Variants in RSKR observed in about 807,000 individuals in gnomAD.
The protein encoded by RSKR is ribosomal protein S6 kinase-related protein.
A neutral mutation model predicts 56.8 loss-of-function variants in RSKR; 44 were observed. The ratio of observed to expected loss-of-function variants is 0.77; its 90% CI spans 0.61 to 1.00. RSKR has a LOEUF of 1.00. RSKR is among the 50% of genes least tolerant of loss of function. RSKR has a pLI of 0.00. For missense variants in RSKR, 510 were observed against 506.9 expected (o/e 1.01, Z -0.06); for synonymous variants, 181 against 188.0 (o/e 0.96, Z 0.30).
intron 7 of RSKR, 66 bp downstream of exon 7, chr17:28,611,978 T>C (rs1248368622): frequency 3.7e-6 from 6 of 1,614,120 alleles, no homozygotes; most frequent in Non-Finnish European, 5.1e-6. Context: ...CCTAACTTCT[T>C]GGACTTGTTG....
At position 28,612,256 on chromosome 17, in the gene RSKR, A is replaced by G; in HGVS notation, c.652+6T>C. ...TCCCCATTTCCTTTACCACTGTTTCACTTACACAGTACCAGCACCAACTCG... is the reference window on the plus strand; with the variant it reads ...TCCCCATTTCCTTTACCACTGTTTCGCTTACACAGTACCAGCACCAACTCG... On this transcript the variant is annotated splice_donor_region_variant and intron_variant, in intron 6 of 11. Coordinates refer to ENST00000301037, the MANE Select transcript of RSKR (RefSeq NM_001174103.2). 1 of 1,613,782 alleles carries G rather than the reference A, an allele frequency of 6.2e-7. No homozygotes were observed. The highest frequency in any genetic ancestry group is 8.5e-7 in the Non-Finnish European group (1 of 1,179,858).
chr17:28,609,559 T>C lies in RSKR; in HGVS notation c.*919A>G, dbSNP rs1422548139. 1 of 151,964 alleles carries C rather than the reference T, an allele frequency of 6.6e-6. No individual in the cohort carries two copies. The highest frequency in any genetic ancestry group is 1.5e-5 in the Non-Finnish European group (1 of 67,996). The allele number at this position is 151,964 out of a possible 1,614,324, so 9.4% of individuals were successfully genotyped here. ...TTTAAAAATTAGATTTATTGCAGAC[T>C]GGCCTCAAGCTCCCAGACTATATTT... On this transcript the variant is annotated 3_prime_UTR_variant, in exon 12 of 12. Coordinates refer to ENST00000301037, the MANE Select transcript of RSKR (RefSeq NM_001174103.2).
rs766427459 is a variant in RSKR, at chr17:28,612,326, C to T, written c.588G>A (p.Ser196=). 9.3e-6 allele frequency: 15 copies of T among 1,614,026 alleles called. No individual in the cohort carries two copies. Among genetic ancestry groups the T allele is most frequent in the South Asian group, 4.4e-5 (4 of 91,074 alleles). Residue 196 remains serine, a synonymous_variant, in exon 6 of 12, where the codon TCG becomes TCA. Transcript: ENST00000301037. ...YCSTDLYSLW[S]AVGCFPEASI... is the part of the protein sequence containing the mutation. ...AAGCCTCAGGAAAGCAGCCAACAGC[C>T]GACCAAAGGGAGTACAGATCTGTGC...
chr17:28,611,386 C>T lies in RSKR; in HGVS notation c.900+7G>A, dbSNP rs1419608225. ...TTCTCTGCCCAAAACTACTACTATT[C>T]TCTCACCTTTCCAGTCGCCAGAGAG... On this transcript the variant is annotated splice_region_variant and intron_variant, in intron 10 of 11. Coordinates refer to ENST00000301037, the MANE Select transcript of RSKR (RefSeq NM_001174103.2). 3 of 1,570,160 alleles carry T rather than the reference C, an allele frequency of 1.9e-6. No homozygotes were observed. Among genetic ancestry groups the T allele is most frequent in the Non-Finnish European group, 2.6e-6 (3 of 1,164,118 alleles).
At position 28,612,294 on chromosome 17, in the gene RSKR, C is replaced by T. The variant is rs200119928; in HGVS notation, c.620G>A (p.Arg207His). The change falls in exon 6 of 12, where the codon CGT (arginine) becomes CAT (histidine). Residue 207 changes from arginine to histidine, a missense_variant. Coordinates refer to ENST00000301037, the MANE Select transcript of RSKR (RefSeq NM_001174103.2). ...CAGCACCAACTCGGCAGCAAAGAGACGGATGGAAGCCTCAGGAAAGCAGCC... is the reference window on the plus strand; with the variant it reads ...CAGCACCAACTCGGCAGCAAAGAGATGGATGGAAGCCTCAGGAAAGCAGCC... Reference protein sequence around the residue: ...AVGCFPEASIRLFAAELVLVL... With the variant: ...AVGCFPEASIHLFAAELVLVL... 5.6e-5 allele frequency: 91 copies of T among 1,614,208 alleles called. No individual in the cohort carries two copies. The Middle Eastern group carries it at 6.6e-4, about 12-fold the overall frequency.
chr17:28,611,280 T>C (rs751481563), intron 10 of RSKR, 27 bp from the exon 11 acceptor site: 1 of 1,532,178 alleles, frequency 6.5e-7, no homozygotes, highest in Non-Finnish European at 8.7e-7. Flanking sequence ...GGAGTGGAGG[T>C]AGGGGTAGGG....
In RSKR at chr17:28,613,438, A is replaced by C; in HGVS notation, c.324+2T>G. ...CCCCACTCAGGGATTCCACTGACTT[A>C]CCTTCAGCTGCTGCTGCCCCCTAAT... On this transcript the variant is annotated splice_donor_variant, in intron 2 of 11. Coordinates refer to ENST00000301037, the MANE Select transcript of RSKR (RefSeq NM_001174103.2). LOFTEE classifies it high-confidence loss of function. 6.2e-7 allele frequency: 1 copy of C among 1,614,204 alleles called. No individual in the cohort carries two copies. Among genetic ancestry groups the C allele is most frequent in the Non-Finnish European group, 8.5e-7 (1 of 1,180,044 alleles).
In RSKR at chr17:28,609,203, T is replaced by G. The variant is rs528779371; in HGVS notation, c.*1275A>C. On this transcript the variant is annotated 3_prime_UTR_variant, in exon 12 of 12. Transcript: ENST00000301037. ...ACAGGTGTGCAACACCACACCCAGC[T>G]AATTTTTGTATTTTTTTAGTAGACA... 10 of 152,142 alleles carry G rather than the reference T, an allele frequency of 6.6e-5. No homozygotes were observed. Among genetic ancestry groups the G allele is most frequent in the African/African-American group, 2.4e-4 (10 of 41,506 alleles). The allele number at this position is 152,142 out of a possible 1,614,324, so 9.4% of individuals were successfully genotyped here. A position where few individuals can be genotyped will look rare whatever the true frequency, so the allele number is the denominator to read the frequency against.
chr17:28,612,746 C>T, intron 4 of RSKR, 59 bp from the exon 5 acceptor site: 1 of 1,558,080 alleles, frequency 6.4e-7, no homozygotes, highest in Non-Finnish European at 8.8e-7. Flanking sequence ...ATAAAGGCAG[C>T]TGAGAAATCA....
At chr17:28,612,978 T>C (rs1016984531) in intron 4 of RSKR, 100 bp downstream of exon 4, 4 of 1,274,936 alleles carry the variant, frequency 3.1e-6, no homozygotes, top group Non-Finnish European at 3.4e-6. Flanking sequence ...CTGAAGCAGA[T>C]GGATGAGGCA....
chr17:28,611,309 A>T (rs1165100837), intron 10 of RSKR, 56 bp from the exon 11 acceptor site: 17 of 1,529,824 alleles, frequency 1.1e-5, no homozygotes, highest in African/African-American at 9.6e-5. Flanking sequence ...CTTAGTAGGA[A>T]TACGGCAAGA....
At position 28,609,165 on chromosome 17, in the gene RSKR, A is replaced by T. The variant is rs924988542; in HGVS notation, c.*1313T>A. The T allele has an allele frequency of 1.4e-5, 2 of 147,008 alleles. No homozygotes were observed. The highest frequency in any genetic ancestry group is 5.1e-5 in the African/African-American group (2 of 39,438). 9.1% of individuals were successfully genotyped at this position (147,008 alleles called of 1,614,324 possible). A position where few individuals can be genotyped will look rare whatever the true frequency, so the allele number is the denominator to read the frequency against. ...GCAGTTCTCCTGCTTCAGCCTTCTG[A>T]GTAGCTGGGACTACAGGTGTGCAAC... On this transcript the variant is annotated 3_prime_UTR_variant, in exon 12 of 12. Transcript: ENST00000301037.
chr17:28,612,930 G>T, intron 4 of RSKR, 148 bp downstream of exon 4: 1 of 890,400 alleles, frequency 1.1e-6, no homozygotes, highest in Non-Finnish European at 1.8e-6. Context: ...GTTGAGAGCT[G>T]ATACTTTTCC....
At chr17:28,610,861 G>C in intron 11 of RSKR, 162 bp from the exon 12 acceptor site, 4 of 749,806 alleles carry the variant, frequency 5.3e-6, no homozygotes, top group Non-Finnish European at 4.2e-6. Flanking sequence ...GGCTAATTTG[G>C]GGCAAAGGTG....
chr17:28,611,166 C>T lies in RSKR; in HGVS notation c.988G>A (p.Gly330Ser), dbSNP rs1038058093. 6.5e-7 allele frequency: 1 copy of T among 1,536,168 alleles called. No homozygotes were observed. The highest frequency in any genetic ancestry group is 2.0e-5 in the Admixed American group (1 of 50,980). The change falls in exon 11 of 12, where the codon GGC becomes AGC. Residue 330 changes from glycine (G) to serine (S), a missense_variant. Transcript: ENST00000301037. ...ACCTCATGGAGCAGGAGTGAGAGGC[C>T]CTGGTTAAGAGAAGCTGGGATCTCA... ...DSEIPASLNQ[G>S]LSLLLHELLC...
intron 11 of RSKR, 87 bp from the exon 12 acceptor site, chr17:28,610,786 G>C (rs1024648334): frequency 9.1e-5 from 117 of 1,281,462 alleles, no homozygotes; most frequent in Non-Finnish European, 1.2e-4. Flanking sequence ...GAAGTTCATG[G>C]AGCTGTGGAG....
rs1460365629 is a variant in RSKR, at chr17:28,610,428, G to A, written c.*50C>T. The stretch of plus-strand genomic sequence containing the variant: ...AAGGTGGTCATACTGAGTAGGCAGG[G>A]ATGGAGATCTTCAGGCTCCCAGCCG... On this transcript the variant is annotated 3_prime_UTR_variant, in exon 12 of 12. Coordinates refer to ENST00000301037, the MANE Select transcript of RSKR (RefSeq NM_001174103.2). The A allele has an allele frequency of 2.7e-6, 4 of 1,467,944 alleles. No homozygotes were observed. The highest frequency in any genetic ancestry group is 3.7e-6 in the Non-Finnish European group (4 of 1,085,924). 90.9% of individuals were successfully genotyped at this position (1,467,944 alleles called of 1,614,324 possible).
chr17:28,613,246 G>C lies in RSKR; in HGVS notation c.408+16C>G. ...AAGATTGGAAACAGAGACTAATGTG[G>C]TATCTACGCCCCTACCTTCACTGCA... On this transcript the variant is annotated intron_variant, in intron 3 of 11. Coordinates refer to ENST00000301037, the MANE Select transcript of RSKR (RefSeq NM_001174103.2). The C allele has an allele frequency of 6.2e-7, 1 of 1,613,958 alleles. No individual in the cohort carries two copies. The highest frequency in any genetic ancestry group is 8.5e-7 in the Non-Finnish European group (1 of 1,179,930).
chr17:28,612,758 G>C, intron 4 of RSKR, 71 bp from the exon 5 acceptor site: 1 of 1,485,850 alleles, frequency 6.7e-7, no homozygotes, highest in African/African-American at 1.4e-5. Flanking sequence ...GAGAAATCAG[G>C]TTTTACCCAG....
Sources: gnomAD v4.1 joint callset for allele counts on GRCh38, gnomAD v4.1.1 for gene constraint, MANE v1.5 for transcripts, NCBI Gene and HGNC (gene_info 2026-07-23, HGNC 2026-07-21) for gene names.